SGK1: variants seen among roughly 807,000 people sequenced by gnomAD.
SGK1 encodes serum/glucocorticoid regulated kinase 1.
A neutral mutation model predicts 64.2 loss-of-function variants in SGK1; 26 were observed. The ratio of observed to expected loss-of-function variants is 0.40; its 90% CI spans 0.30 to 0.56. The LOEUF (loss-of-function observed/expected upper bound fraction) is 0.56. Among genes scored for constraint, SGK1 ranks in the 20% least tolerant of loss-of-function variants. The probability of loss-of-function intolerance (pLI) is 0.38; values close to 1 mark genes in which losing one functional copy is unlikely to be tolerated. For synonymous variants in SGK1, 265 were observed against 239.7 expected (o/e 1.11, Z -0.98); for missense variants, 519 against 645.6 (o/e 0.80, Z 2.12).
intron 2 of SGK1, among the ~76,000 whole-genome samples, chr6:134,209,655 A>G (rs187110857): frequency 5.1e-4 from 78 of 152,212 alleles, no homozygotes; most frequent in African/African-American, 1.4e-3. Context: ...AGTTTCACCG[A>G]CATTTTCTCT....
intron 3 of SGK1, chr6:134,175,604 G>A (rs760251645): frequency 1.9e-6 from 3 of 1,549,366 alleles, no homozygotes; most frequent in Admixed American, 3.8e-5. Context: ...TTTTTGTGGC[G>A]GGGCCGCAGC....
chr6:134,230,321 G>A lies in SGK1; in HGVS notation c.286-22890C>T, dbSNP rs532696918. On this transcript the variant is annotated intron_variant, in intron 2 of 13. Coordinates refer to ENST00000367858, the MANE Select transcript of SGK1 (RefSeq NM_001143676.3). ...GGGCAACATAGTCAGACCCCATTGT[G>A]TTAGTCAGCTTTCATACTGCTATAA... The A allele has an allele frequency of 2.0e-5, 3 of 152,272 alleles. No homozygotes were observed. The East Asian group carries it at 5.8e-4, about 29-fold the overall frequency. The allele number at this position is 152,272 out of a possible 1,614,324, so 9.4% of individuals were successfully genotyped here. A position where few individuals can be genotyped will look rare whatever the true frequency, so the allele number is the denominator to read the frequency against.
chr6:134,183,839 C>A (rs912323758), intron 3 of SGK1, among the ~76,000 whole-genome samples: 3 of 150,528 alleles, frequency 2.0e-5, no homozygotes, highest in Admixed American at 6.7e-5. Context: ...TTTAGAAGAA[C>A]CTGTCCCCAC....
At chr6:134,279,304 TG>T (rs568214915) in intron 1 of SGK1, among the ~76,000 whole-genome samples, 26 of 152,196 alleles carry the variant, frequency 1.7e-4, no homozygotes, top group African/African-American at 5.8e-4. Flanking sequence ...TGGTGGTGCG[TG>T]CCTGTAGTTC....
chr6:134,253,668 T>A (rs1582744028), intron 2 of SGK1, among the ~76,000 whole-genome samples: 1 of 152,098 alleles, frequency 6.6e-6, no homozygotes, highest in East Asian at 1.9e-4. Context: ...AATAAAAAAT[T>A]TTTTTCTACA....
chr6:134,186,269 C>T (rs1775421957), intron 3 of SGK1, among the ~76,000 whole-genome samples: 1 of 152,160 alleles, frequency 6.6e-6, no homozygotes, highest in African/African-American at 2.4e-5. Context: ...CATACCAGTC[C>T]CTTCCCCAGA....
chr6:134,206,307 A>C, intron 3 of SGK1, among the ~76,000 whole-genome samples: 1 of 136,562 alleles, frequency 7.3e-6, no homozygotes, highest in African/African-American at 2.7e-5. Flanking sequence ...ACACTTAAAT[A>C]TGCTTCACAA....
At chr6:134,256,277 C>T (rs796442324) in intron 2 of SGK1, among the ~76,000 whole-genome samples, 19 of 152,236 alleles carry the variant, frequency 1.2e-4, no homozygotes, top group African/African-American at 4.1e-4. Context: ...ATCCTACCTG[C>T]CTTCTCTTTT....
chr6:134,177,719 G>T (rs996235223), intron 3 of SGK1: 90 of 1,613,870 alleles, frequency 5.6e-5, no homozygotes, highest in Non-Finnish European at 7.4e-5. Context: ...CCAAGGATAT[G>T]CAGGTTGGGG....
chr6:134,197,962 G>A (rs1179560198), intron 3 of SGK1, among the ~76,000 whole-genome samples: 4 of 151,500 alleles, frequency 2.6e-5, no homozygotes, highest in East Asian at 1.9e-4. Context: ...TTAACAGGGG[G>A]ACCAAATTTA....
chr6:134,243,558 G>A (rs952829705), intron 2 of SGK1, among the ~76,000 whole-genome samples: 7 of 152,154 alleles, frequency 4.6e-5, no homozygotes, highest in South Asian at 2.1e-4. Context: ...CAGTAGAGAC[G>A]GGGTTTCTCC....
At position 134,269,827 on chromosome 6, in the gene SGK1, T is replaced by A. The variant is rs112927914; in HGVS notation, c.70-7679A>T. 8.6e-3 allele frequency among the ~76,000 whole-genome samples: 1,267 copies of A among 148,122 alleles called. 68 individuals carry two copies. The highest frequency in any genetic ancestry group is 0.029 in the African/African-American group (1,193 of 41,240). On this transcript the variant is annotated intron_variant, in intron 1 of 13. Coordinates refer to ENST00000367858, the MANE Select transcript of SGK1 (RefSeq NM_001143676.3). Reference sequence around the variant, plus strand: ...GAGCCTGAAGCTGCTTCATAGCATGTCTCCTAAAATATAACAGTGCTGTAA... The same window carrying A: ...GAGCCTGAAGCTGCTTCATAGCATGACTCCTAAAATATAACAGTGCTGTAA...
At chr6:134,195,540 A>G (rs762818804) in intron 3 of SGK1, among the ~76,000 whole-genome samples, 2 of 152,144 alleles carry the variant, frequency 1.3e-5, no homozygotes, top group African/African-American at 4.8e-5. Flanking sequence ...GATGAGCATG[A>G]CTCTAAGTAT....
At chr6:134,306,911 A>AGC (rs371810549) in intron 1 of SGK1, among the ~76,000 whole-genome samples, 7 of 107,006 alleles carry the variant, frequency 6.5e-5, no homozygotes, top group East Asian at 6.1e-4. Flanking sequence ...AAGAAATAAA[A>AGC]GGGGGGGGGG....
chr6:134,173,706 T>A (rs1353312724), intron 5 of SGK1, 140 bp from the exon 6 acceptor site: 1 of 638,420 alleles, frequency 1.6e-6, no homozygotes, highest in African/African-American at 1.8e-5. Flanking sequence ...AAAACTACAT[T>A]TCATCACATT....
intron 1 of SGK1, among the ~76,000 whole-genome samples, chr6:134,262,418 C>T (rs1776780784): frequency 6.6e-6 from 1 of 151,492 alleles, no homozygotes; most frequent in South Asian, 2.1e-4. Flanking sequence ...TCTTTTTCCT[C>T]CTGCTTCCAG....
chr6:134,264,368 C>A (rs1776817642), intron 1 of SGK1, among the ~76,000 whole-genome samples: 1 of 152,074 alleles, frequency 6.6e-6, no homozygotes, highest in African/African-American at 2.4e-5. Flanking sequence ...ATCCGCCCAC[C>A]TTGGCCTCCC....
intron 2 of SGK1, among the ~76,000 whole-genome samples, chr6:134,217,665 C>A (rs566627524): frequency 1.3e-5 from 2 of 152,312 alleles, no homozygotes; most frequent in South Asian, 4.1e-4. Context: ...ACCAGGATAG[C>A]AGGAGTCTGG....
chr6:134,177,663 C>T (rs200391109), intron 3 of SGK1: 8 of 1,613,526 alleles, frequency 5.0e-6, no homozygotes, highest in African/African-American at 2.7e-5. Flanking sequence ...AAGTACGAAC[C>T]TTTCAAAGGG....
Sources: allele counts gnomAD v4.1 joint callset (sites outside exome capture counted in the v4.1 genomes callset), GRCh38; gene constraint gnomAD v4.1.1; transcripts MANE v1.5; gene names NCBI Gene and HGNC (gene_info 2026-07-23, HGNC 2026-07-21).